The following CHST9 variants were observed in gnomAD, a reference collection of about 807,000 sequenced individuals.
CHST9 encodes the protein carbohydrate sulfotransferase 9.
Under a neutral mutation model 44.4 loss-of-function variants are expected in CHST9, and 41 were observed. The observed-to-expected ratio is 0.92, with a 90% CI of 0.72 to 1.20. The LOEUF is 1.20. Among genes scored for constraint, CHST9 ranks in the 50% most tolerant of loss-of-function variants. The pLI, the probability that CHST9 is intolerant of heterozygous loss-of-function variation, is 0.00. For missense variants in CHST9, 504 were observed against 516.5 expected (o/e 0.98, Z 0.23); for synonymous variants, 171 against 178.4 (o/e 0.96, Z 0.33).
intron 2 of CHST9, among the ~76,000 whole-genome samples, chr18:27,049,358 T>A (rs1321958038): frequency 6.6e-6 from 1 of 152,094 alleles, no homozygotes; most frequent in East Asian, 1.9e-4. Context: ...AATGGTATTA[T>A]AGAATGTGAT....
intron 2 of CHST9, among the ~76,000 whole-genome samples, chr18:27,132,485 T>C (rs1417014447): frequency 6.6e-6 from 1 of 152,174 alleles, no homozygotes; most frequent in Middle Eastern, 3.2e-3. Flanking sequence ...TTAGCTTAGG[T>C]GCTTAGTTTT....
At chr18:27,105,675 T>C (rs1414732686) in intron 2 of CHST9, among the ~76,000 whole-genome samples, 1 of 152,188 alleles carries the variant, frequency 6.6e-6, no homozygotes, top group Non-Finnish European at 1.5e-5. Context: ...TTTAATTTCT[T>C]TGGCTATTGC....
intron 2 of CHST9, among the ~76,000 whole-genome samples, chr18:27,088,710 T>C (rs542033121): frequency 1.3e-5 from 2 of 152,276 alleles, no homozygotes; most frequent in African/African-American, 4.8e-5. Flanking sequence ...CTTTTTTTAA[T>C]GCCTGTGTGC....
At chr18:27,055,378 T>C (rs2057642962) in intron 2 of CHST9, among the ~76,000 whole-genome samples, 1 of 152,202 alleles carries the variant, frequency 6.6e-6, no homozygotes, top group Admixed American at 6.5e-5. Context: ...GCTTCTATAC[T>C]TCCGAGTTAA....
intron 2 of CHST9, among the ~76,000 whole-genome samples, chr18:27,129,085 T>C (rs76315614): frequency 0.011 from 1,658 of 151,550 alleles, 24 homozygotes; most frequent in African/African-American, 0.035. Flanking sequence ...GGTTGAGAAA[T>C]AGTAGAGGAA....
chr18:26,952,917 G>T (rs1047473398), intron 4 of CHST9, among the ~76,000 whole-genome samples: 1 of 152,138 alleles, frequency 6.6e-6, no homozygotes, highest in Non-Finnish European at 1.5e-5. Flanking sequence ...TGGGCACACA[G>T]ATGGGGAAAA....
chr18:27,122,846 G>GA (rs1421074360), intron 2 of CHST9, among the ~76,000 whole-genome samples: 2 of 151,536 alleles, frequency 1.3e-5, no homozygotes, highest in Admixed American at 6.6e-5. Context: ...CTACTCAAAA[G>GA]AAAAAAAATA....
chr18:27,181,672 T>A (rs2058913526), intron 1 of CHST9, among the ~76,000 whole-genome samples: 1 of 152,234 alleles, frequency 6.6e-6, no homozygotes, highest in South Asian at 2.1e-4. Context: ...GAGCAACCTA[T>A]TATCACTTCT....
chr18:27,134,271 T>C (rs1313079014), intron 2 of CHST9, among the ~76,000 whole-genome samples: 1 of 152,128 alleles, frequency 6.6e-6, no homozygotes, highest in Non-Finnish European at 1.5e-5. Flanking sequence ...AGAGAAAGTG[T>C]ACTTAGTTTG....
intron 5 of CHST9, among the ~76,000 whole-genome samples, chr18:26,920,780 C>T (rs181283710): frequency 6.3e-4 from 96 of 152,262 alleles, no homozygotes; most frequent in African/African-American, 2.3e-3. Context: ...TTAAATAAAC[C>T]TTTGGCAAAA....
At chr18:26,949,882 C>T (rs564704184) in intron 4 of CHST9, among the ~76,000 whole-genome samples, 1 of 152,096 alleles carries the variant, frequency 6.6e-6, no homozygotes, top group Non-Finnish European at 1.5e-5. Flanking sequence ...AATGCCATTG[C>T]TGAAGAGGGC....
intron 4 of CHST9, among the ~76,000 whole-genome samples, chr18:26,997,448 G>T (rs2056899383): frequency 1.3e-5 from 2 of 152,154 alleles, no homozygotes; most frequent in South Asian, 4.2e-4. Flanking sequence ...CATTGAAGAG[G>T]ATCTCATGGC....
intron 4 of CHST9, among the ~76,000 whole-genome samples, chr18:26,982,826 C>T (rs532427057): frequency 1.3e-5 from 2 of 152,210 alleles, no homozygotes; most frequent in South Asian, 4.2e-4. Flanking sequence ...GATAGTTCTT[C>T]AACGATAAAA....
rs932094670 is a variant in CHST9, at chr18:27,161,350, G to A, written c.-96-18445C>T. Among the ~76,000 whole-genome samples, 4 of 152,162 alleles carry A rather than the reference G, an allele frequency of 2.6e-5. 1 individual carries two copies. The South Asian group carries it at 8.3e-4, about 32-fold the overall frequency. On this transcript the variant is annotated intron_variant, in intron 1 of 5. Transcript: ENST00000618847. ...TGTTTCAAAGAACATCTTTATTTCTGCCTTCATTTCGTTATGTACCCAGTA... is the reference window on the plus strand; with the variant it reads ...TGTTTCAAAGAACATCTTTATTTCTACCTTCATTTCGTTATGTACCCAGTA...
At chr18:26,918,150 C>T (rs1194863444) in intron 5 of CHST9, among the ~76,000 whole-genome samples, 3 of 152,122 alleles carry the variant, frequency 2.0e-5, no homozygotes, top group Non-Finnish European at 4.4e-5. Flanking sequence ...CTACAACTCT[C>T]ACAGTAAAAG....
chr18:26,984,191 G>T (rs897657228), intron 4 of CHST9, among the ~76,000 whole-genome samples: 1 of 152,062 alleles, frequency 6.6e-6, no homozygotes, highest in Non-Finnish European at 1.5e-5. Context: ...ATATAAAATG[G>T]GGAAACATTT....
chr18:27,018,456 A>C (rs148339646), intron 4 of CHST9, among the ~76,000 whole-genome samples: 2 of 152,148 alleles, frequency 1.3e-5, no homozygotes, highest in Non-Finnish European at 2.9e-5. Context: ...AAAGAAAAAA[A>C]CCCAACAACT....
chr18:27,112,991 T>A (rs1048740537), intron 2 of CHST9, among the ~76,000 whole-genome samples: 1 of 151,962 alleles, frequency 6.6e-6, no homozygotes, highest in Admixed American at 6.6e-5. Context: ...AGATCGAGAC[T>A]ATCCTGGCTA....
At chr18:27,158,567 G>C (rs1282555648) in intron 1 of CHST9, among the ~76,000 whole-genome samples, 1 of 152,034 alleles carries the variant, frequency 6.6e-6, no homozygotes, top group Non-Finnish European at 1.5e-5. Context: ...ATAAACATAT[G>C]TGTGCACGTG....
Sources: gnomAD v4.1 joint callset for allele counts (sites outside exome capture counted in the v4.1 genomes callset) on GRCh38, gnomAD v4.1.1 for gene constraint, MANE v1.5 for transcripts, NCBI Gene and HGNC (gene_info 2026-07-23, HGNC 2026-07-21) for gene names.